Variants in KIF25 observed in about 807,000 individuals in gnomAD.
KIF25 encodes kinesin family member 25.
KIF25 carries 19 observed loss-of-function variants against 32.9 expected under a neutral mutation model. The observed-to-expected ratio is 0.58, with a 90% confidence interval of 0.40 to 0.85. KIF25 has a LOEUF of 0.85. Ranked by LOEUF, KIF25 falls within the 40% of genes least tolerant of loss-of-function variation. The pLI, the probability that KIF25 is intolerant of heterozygous loss-of-function variation, is 0.00. For synonymous variants in KIF25, 225 were observed against 213.7 expected (o/e 1.05, Z -0.46); for missense variants, 485 against 507.0 (o/e 0.96, Z 0.42).
intron 4 of KIF25, among the ~76,000 whole-genome samples, chr6:168,016,048 G>A (rs559416746): frequency 5.1e-4 from 78 of 152,286 alleles, no homozygotes; most frequent in Middle Eastern, 6.8e-3. Context: ...TTCTGGCATA[G>A]CATCAAAGGA....
At chr6:168,018,662 G>T (rs1470529022) in intron 5 of KIF25, among the ~76,000 whole-genome samples, 1 of 152,224 alleles carries the variant, frequency 6.6e-6, no homozygotes, top group Non-Finnish European at 1.5e-5. Context: ...TCCCAGGGTG[G>T]TAGGAGAGCC....
intron 4 of KIF25, among the ~76,000 whole-genome samples, chr6:168,006,230 G>T (rs879280903): frequency 1.9e-4 from 29 of 151,538 alleles, no homozygotes; most frequent in Non-Finnish European, 3.7e-4. Context: ...TTTAGCGATG[G>T]GGGGGTCTCA....
At chr6:168,038,523 T>C (rs752419076) in intron 8 of KIF25, 30 bp from the exon 9 acceptor site, 1 of 1,610,864 alleles carries the variant, frequency 6.2e-7, no homozygotes, top group Non-Finnish European at 8.5e-7. Flanking sequence ...TGAGACTTTC[T>C]GTAAGTTTCT....
At chr6:168,015,935 G>A (rs575401154) in intron 4 of KIF25, among the ~76,000 whole-genome samples, 80 of 152,218 alleles carry the variant, frequency 5.3e-4, no homozygotes, top group African/African-American at 1.8e-3. Flanking sequence ...TGTGGTTTTC[G>A]TTTGCTTTTC....
At chr6:168,039,755 T>C (rs1027101683) in intron 9 of KIF25, among the ~76,000 whole-genome samples, 27 of 152,252 alleles carry the variant, frequency 1.8e-4, no homozygotes, top group Non-Finnish European at 3.2e-4. Flanking sequence ...CAAAATATTT[T>C]TAAAACATGG....
intron 6 of KIF25, 154 bp from the exon 7 acceptor site, chr6:168,030,619 A>C (rs2114899298): frequency 1.8e-6 from 1 of 553,616 alleles, no homozygotes; most frequent in South Asian, 2.5e-5. Context: ...GTTATCTTGA[A>C]AAATAACACA....
intron 4 of KIF25, among the ~76,000 whole-genome samples, chr6:168,017,413 TA>T (rs1798730213): frequency 6.6e-6 from 1 of 152,246 alleles, no homozygotes; most frequent in Non-Finnish European, 1.5e-5. Flanking sequence ...TAAGTGAAAC[TA>T]AACTAATTTC....
intron 11 of KIF25, 117 bp from the exon 12 acceptor site, chr6:168,042,444 C>A: frequency 7.8e-7 from 1 of 1,288,780 alleles, no homozygotes; most frequent in Non-Finnish European, 1.1e-6. Context: ...TCATGCCTGT[C>A]CCGTCCATGG....
chr6:168,042,599 G>A lies in KIF25; in HGVS notation c.868G>A (p.Ala290Thr), dbSNP rs755772336. ...GVTGLALREM[A>T]CISRSLAALA... The stretch of plus-strand genomic sequence containing the variant: ...GACCGGGTTGGCCCTGAGGGAGATG[G>A]CGTGCATCAGCCGCAGCCTTGCGGC... The change falls in exon 12 of 13, where the codon GCG (alanine) becomes ACG (threonine). Residue 290 changes from alanine (A) to threonine (T), a missense_variant. By Grantham distance (58) the Ala-to-Thr change is moderately conservative. Transcript: ENST00000643607. 1 of 1,613,984 alleles carries A rather than the reference G, an allele frequency of 6.2e-7. No individual in the cohort carries two copies. The highest frequency in any genetic ancestry group is 8.5e-7 in the Non-Finnish European group (1 of 1,179,998).
intron 8 of KIF25, among the ~76,000 whole-genome samples, chr6:168,036,582 A>G (rs1280137279): frequency 1.3e-5 from 2 of 152,242 alleles, no homozygotes; most frequent in African/African-American, 4.8e-5. Flanking sequence ...CAACAGCCCA[A>G]TGATTACTTG....
In KIF25 at chr6:168,042,643, G is replaced by A. The variant is rs948026321; in HGVS notation, c.912G>A (p.Gly304=). ...TTGCGGCCCTGGCAGGCGTCCTGGG[G>A]GCTTTGTTGGAGCACCGTGGCCATG... The part of the protein sequence containing the change: ...RSLAALAGVL[G]ALLEHRGHAP... The change falls in exon 12 of 13, where the codon GGG becomes GGA. Residue 304 remains glycine, a synonymous_variant. Coordinates refer to ENST00000643607, the MANE Select transcript of KIF25 (RefSeq NM_030615.4). The A allele has an allele frequency of 3.7e-6, 6 of 1,613,856 alleles. No homozygotes were observed. The African/African-American group carries it at 5.3e-5, about 14-fold the overall frequency.
At chr6:168,026,734 G>GT (rs1798865559) in intron 5 of KIF25, among the ~76,000 whole-genome samples, 1 of 152,074 alleles carries the variant, frequency 6.6e-6, no homozygotes, top group Non-Finnish European at 1.5e-5. Flanking sequence ...TTTAAAAAAG[G>GT]CAAACCAAAA....
At chr6:168,033,487 A>C (rs1798970288) in intron 7 of KIF25, among the ~76,000 whole-genome samples, 1 of 146,688 alleles carries the variant, frequency 6.8e-6, no homozygotes, top group Non-Finnish European at 1.5e-5. Context: ...GTGACAGAGC[A>C]AGAATCCGTC....
At chr6:168,004,556 G>T (rs1583124201) in intron 4 of KIF25, among the ~76,000 whole-genome samples, 2 of 152,296 alleles carry the variant, frequency 1.3e-5, no homozygotes, top group African/African-American at 2.4e-5. Context: ...GGGAACAGAA[G>T]ATTCTAGGTA....
intron 12 of KIF25, among the ~76,000 whole-genome samples, chr6:168,043,209 G>A (rs775418406): frequency 6.6e-5 from 10 of 152,180 alleles, no homozygotes; most frequent in African/African-American, 2.2e-4. Context: ...TGGGCTTTGC[G>A]GTTTTTGGGG....
chr6:168,042,751 G>T lies in KIF25; in HGVS notation c.985+35G>T, dbSNP rs754670925. ...TTCCCCAAAATGCCCCAGGATGGGGGACCACGTACCCCAGGACATGTGCAC... is the reference window on the plus strand; with the variant it reads ...TTCCCCAAAATGCCCCAGGATGGGGTACCACGTACCCCAGGACATGTGCAC... On this transcript the variant is annotated intron_variant, in intron 12 of 12. Transcript: ENST00000643607. The T allele has an allele frequency of 3.1e-6, 5 of 1,587,392 alleles. No homozygotes were observed. In the South Asian group the frequency reaches 5.7e-5, roughly 18 times the overall value.
intron 1 of KIF25, 50 bp downstream of exon 1, chr6:167,998,920 T>G (rs1197418136): frequency 6.6e-6 from 1 of 152,082 alleles, no homozygotes; most frequent in African/African-American, 2.4e-5. Flanking sequence ...GGCGTGGTGG[T>G]GGGCACCTGT....
intron 5 of KIF25, among the ~76,000 whole-genome samples, chr6:168,019,462 G>GA (rs1265195538): frequency 2.6e-5 from 4 of 152,112 alleles, no homozygotes; most frequent in South Asian, 2.1e-4. Flanking sequence ...ATCTGGAGAT[G>GA]AAAAAAATGC....
At chr6:168,016,728 GCAA>G (rs1798719499) in intron 4 of KIF25, among the ~76,000 whole-genome samples, 1 of 152,234 alleles carries the variant, frequency 6.6e-6, no homozygotes, top group Admixed American at 6.5e-5. Context: ...GATTTCTACA[GCAA>G]CAACATAAAG....
Sources: allele counts gnomAD v4.1 joint callset (sites outside exome capture counted in the v4.1 genomes callset), GRCh38; gene constraint gnomAD v4.1.1; transcripts MANE v1.5; gene names NCBI Gene and HGNC (gene_info 2026-07-23, HGNC 2026-07-21).